The following NF1 variants were observed in gnomAD, a reference collection of about 807,000 sequenced individuals.
The protein encoded by NF1 is neurofibromin.
In NF1, 122 loss-of-function variants were observed where a neutral mutation model predicts 325.7. The ratio of observed to expected loss-of-function variants is 0.37; its 90% CI spans 0.32 to 0.44. The LOEUF (loss-of-function observed/expected upper bound fraction) is 0.44. NF1 is among the 20% of genes least tolerant of loss of function. The pLI, the probability that NF1 is intolerant of heterozygous loss-of-function variation, is 1.00. For missense variants in NF1, 2,140 were observed against 3,415.4 expected, an observed-to-expected ratio of 0.63 and a Z score of 9.31; for synonymous variants, 1,091 against 1,186.0, an observed-to-expected ratio of 0.92 and a Z score of 1.65.
intron 45 of NF1, among the ~76,000 whole-genome samples, chr17:31,338,445 A>T (rs2069736384): frequency 6.6e-6 from 1 of 152,202 alleles, no homozygotes; most frequent in Non-Finnish European, 1.5e-5. Flanking sequence ...GCATTTAATT[A>T]TATGGTAAGA....
intron 36 of NF1, among the ~76,000 whole-genome samples, chr17:31,312,932 C>G (rs996561453): frequency 6.6e-6 from 1 of 152,048 alleles, no homozygotes. Context: ...ATTGTTTATT[C>G]TATAGGTTTC....
Position 31,326,056 on chromosome 17 carries a change from A to G in NF1, c.5072A>G (p.Lys1691Arg), listed in dbSNP as rs863224661. ...NCNSWVREYTKYHERLLTGLK... is the reference protein window; with the variant it reads ...NCNSWVREYTRYHERLLTGLK... ...AACTCCTGGGTCAGGGAGTACACCAAGTATCATGAGCGGCTGCTGACTGGC... is the reference window on the plus strand; with the variant it reads ...AACTCCTGGGTCAGGGAGTACACCAGGTATCATGAGCGGCTGCTGACTGGC... Residue 1691 changes from lysine to arginine, a missense_variant, in exon 37 of 58, where the codon AAG becomes AGG. Coordinates refer to ENST00000358273, the MANE Select transcript of NF1 (RefSeq NM_001042492.3). The G allele has an allele frequency of 6.2e-7, 1 of 1,614,174 alleles. No individual in the cohort carries two copies. Among genetic ancestry groups the G allele is most frequent in the Admixed American group, 1.7e-5 (1 of 60,020 alleles).
chr17:31,360,368 A>G, intron 56 of NF1, 119 bp from the exon 57 acceptor site: 1 of 826,220 alleles, frequency 1.2e-6, no homozygotes, highest in South Asian at 1.5e-5. Context: ...TTTTAATGAT[A>G]AGTAATACAA....
At chr17:31,330,536 T>C (rs572055773) in intron 39 of NF1, 38 bp downstream of exon 39, 3 of 1,406,566 alleles carry the variant, frequency 2.1e-6, no homozygotes, top group Admixed American at 3.5e-5. Flanking sequence ...TAACAATTAT[T>C]CTAAGAGAAT....
intron 1 of NF1, among the ~76,000 whole-genome samples, chr17:31,121,596 C>T (rs1175737151): frequency 6.6e-6 from 1 of 151,928 alleles, no homozygotes; most frequent in Non-Finnish European, 1.5e-5. Flanking sequence ...GAGATGCTCT[C>T]CATCAGTACC....
Position 31,095,063 on chromosome 17 carries a change from CT to C in NF1, c.-246del. Reference sequence around the variant, plus strand: ...GTGGGGAGAGCGACCAAGAGGCCCCCTCCCCTCCCCGGGTCCCCTTCCCCTA... The same window carrying C: ...GTGGGGAGAGCGACCAAGAGGCCCCCCCCCTCCCCGGGTCCCCTTCCCCTA... On this transcript the variant is annotated 5_prime_UTR_variant, in exon 1 of 58. Transcript: ENST00000358273. 3 of 533,248 alleles carry C rather than the reference CT, an allele frequency of 5.6e-6. No individual in the cohort carries two copies. The highest frequency in any genetic ancestry group is 5.1e-5 in the South Asian group (2 of 39,240). The allele number at this position is 533,248 out of a possible 1,614,324, so 33.0% of individuals were successfully genotyped here. A position where few individuals can be genotyped will look rare whatever the true frequency, so the allele number is the denominator to read the frequency against.
chr17:31,289,396 GTC>G (rs1367079607), intron 36 of NF1, among the ~76,000 whole-genome samples: 1 of 152,142 alleles, frequency 6.6e-6, no homozygotes, highest in East Asian at 1.9e-4. Flanking sequence ...TTCATCTTGT[GTC>G]TTCTTATTTC....
At chr17:31,130,797 G>A (rs892063920) in intron 1 of NF1, among the ~76,000 whole-genome samples, 1 of 152,188 alleles carries the variant, frequency 6.6e-6, no homozygotes, top group Non-Finnish European at 1.5e-5. Context: ...AGGTACACCT[G>A]TGCACACGTG....
rs948843152 is a variant in NF1, at chr17:31,226,315, G to A, written c.2002-120G>A. 2.8e-5 allele frequency: 17 copies of A among 618,094 alleles called. No individual in the cohort carries two copies. The Admixed American group carries it at 4.3e-4, about 16-fold the overall frequency. The allele number at this position is 618,094 out of a possible 1,614,324, so 38.3% of individuals were successfully genotyped here. A position where few individuals can be genotyped will look rare whatever the true frequency, so the allele number is the denominator to read the frequency against. ...AAAGCTCTTGTGAGTTATTGTATGCGGAGACACACACACACACACACACAC... is the reference window on the plus strand; with the variant it reads ...AAAGCTCTTGTGAGTTATTGTATGCAGAGACACACACACACACACACACAC... On this transcript the variant is annotated intron_variant, in intron 17 of 57. Coordinates refer to ENST00000358273, the MANE Select transcript of NF1 (RefSeq NM_001042492.3).
At chr17:31,369,277 T>C (rs1009562587) in intron 57 of NF1, among the ~76,000 whole-genome samples, 2 of 152,218 alleles carry the variant, frequency 1.3e-5, no homozygotes, top group African/African-American at 4.8e-5. Context: ...CTAACTTAAA[T>C]AACAATAATG....
At chr17:31,105,451 A>G (rs546167464) in intron 1 of NF1, among the ~76,000 whole-genome samples, 1 of 152,296 alleles carries the variant, frequency 6.6e-6, no homozygotes, top group African/African-American at 2.4e-5. Flanking sequence ...ACTGCAGTCC[A>G]CAAGCTGTCG....
At chr17:31,167,135 A>C (rs1377277247) in intron 4 of NF1, among the ~76,000 whole-genome samples, 2 of 152,218 alleles carry the variant, frequency 1.3e-5, no homozygotes, top group East Asian at 3.9e-4. Flanking sequence ...TTTTTCTCCC[A>C]TTTTTCACAA....
At chr17:31,169,833 A>G (rs1365792441) in intron 4 of NF1, 58 bp from the exon 5 acceptor site, 1 of 1,209,312 alleles carries the variant, frequency 8.3e-7, no homozygotes, top group Non-Finnish European at 1.2e-6. Flanking sequence ...GGTGTGAGAT[A>G]CCACACCTGT....
In NF1 at chr17:31,104,389, G is replaced by A. The variant is rs9899063; in HGVS notation, c.60+9020G>A. 0.059 allele frequency among the ~76,000 whole-genome samples: 8,967 copies of A among 152,256 alleles called. 857 individuals carry two copies. Among genetic ancestry groups the A allele is most frequent in the African/African-American group, 0.2 (8,425 of 41,518 alleles). ...AGTCAAGGGACAGGAGGTATCGGAA[G>A]GCTCTAAAGGAAGTTTAAGGAGGAG... On this transcript the variant is annotated intron_variant, in intron 1 of 57. Coordinates refer to ENST00000358273, the MANE Select transcript of NF1 (RefSeq NM_001042492.3).
chr17:31,375,633 G>GA lies in NF1; in HGVS notation c.*1484dup, dbSNP rs1193042137. On this transcript the variant is annotated 3_prime_UTR_variant, in exon 58 of 58. Transcript: ENST00000358273. The stretch of plus-strand genomic sequence containing the variant: ...TTAAGATATAATGGCTTTGAGGGGG[G>GA]AAAAAATAAACCTAGGGGAGAGGGG... The GA allele has an allele frequency of 1.3e-5, 3 of 232,584 alleles. No homozygotes were observed. Among genetic ancestry groups the GA allele is most frequent in the Non-Finnish European group, 2.6e-5 (3 of 117,528 alleles). 14.4% of individuals were successfully genotyped at this position (232,584 alleles called of 1,614,324 possible). A position where few individuals can be genotyped will look rare whatever the true frequency, so the allele number is the denominator to read the frequency against.
At chr17:31,117,933 T>C (rs1914094461) in intron 1 of NF1, among the ~76,000 whole-genome samples, 1 of 152,166 alleles carries the variant, frequency 6.6e-6, no homozygotes, top group Non-Finnish European at 1.5e-5. Context: ...TGCTAAAATA[T>C]GGTTTAAAAC....
intron 3 of NF1, among the ~76,000 whole-genome samples, chr17:31,162,228 G>A (rs1413201621): frequency 6.6e-6 from 1 of 152,006 alleles, no homozygotes; most frequent in Admixed American, 6.6e-5. Context: ...TGTAATCCCA[G>A]CACTTTGGGA....
chr17:31,337,740 T>C, intron 43 of NF1, 79 bp from the exon 44 acceptor site: 4 of 1,499,346 alleles, frequency 2.7e-6, no homozygotes, highest in Non-Finnish European at 3.7e-6. Flanking sequence ...GGTCACTTAA[T>C]GACATCATAA....
intron 33 of NF1, 68 bp downstream of exon 33, chr17:31,259,197 T>G: frequency 9.1e-7 from 1 of 1,095,050 alleles, no homozygotes; most frequent in Non-Finnish European, 1.4e-6. Flanking sequence ...CATAAATCCA[T>G]GTACCTGTTT....
Sources: allele counts gnomAD v4.1 joint callset (sites outside exome capture counted in the v4.1 genomes callset), GRCh38; gene constraint gnomAD v4.1.1; transcripts MANE v1.5; gene names NCBI Gene and HGNC (gene_info 2026-07-23, HGNC 2026-07-21).